The following GPRC5D variants were observed in gnomAD, a reference collection of about 807,000 sequenced individuals.
GPRC5D encodes the protein G protein-coupled receptor class C group 5 member D.
A neutral mutation model predicts 29.3 loss-of-function variants in GPRC5D; 20 were observed. The observed-to-expected ratio is 0.68, with a 90% CI of 0.48 to 0.99. The LOEUF is 0.99. Among genes scored for constraint, GPRC5D ranks in the 50% least tolerant of loss-of-function variants. The pLI is 0.00. For missense variants in GPRC5D, 384 were observed against 423.6 expected (o/e 0.91, Z 0.82); for synonymous variants, 178 against 171.3 (o/e 1.04, Z -0.30).
rs1279575546 is a variant in GPRC5D at position 12,942,341 on chromosome 12, G to A, written c.896-13C>T. The A allele has an allele frequency of 1.3e-6, 2 of 1,595,666 alleles. No homozygotes were observed. The highest frequency in any genetic ancestry group is 1.7e-6 in the Non-Finnish European group (2 of 1,163,188). ...TCACTGTCTCGGGCTGAAAGCCAAA[G>A]GAGGGAAGGGCTGGGTTAGTGTCCG... On this transcript the variant is annotated splice_polypyrimidine_tract_variant and intron_variant, in intron 1 of 2. Coordinates refer to ENST00000228887, the Ensembl canonical transcript of GPRC5D.
At chr12:12,943,006 G>T (rs1041823852) in intron 1 of GPRC5D, among the ~76,000 whole-genome samples, 1 of 151,996 alleles carries the variant, frequency 6.6e-6, no homozygotes, top group African/African-American at 2.4e-5. Flanking sequence ...TAAAAATTTT[G>T]CCCAGGTTGA....
rs541350048 is a variant in GPRC5D at position 12,943,457 on chromosome 12, T to A, written c.896-1129A>T. On this transcript the variant is annotated intron_variant, in intron 1 of 2. Transcript: ENST00000228887. ...CCTGATGGAAATAAAAGAGGAATAA[T>A]GACAGTCATAACAGTAAGTCTATCT... 4.6e-5 allele frequency among the ~76,000 whole-genome samples: 7 copies of A among 152,298 alleles called. No homozygotes were observed. The East Asian group carries it at 1.3e-3, about 29-fold the overall frequency.
At chr12:12,943,663 A>G (rs139922563) in intron 1 of GPRC5D, among the ~76,000 whole-genome samples, 252 of 150,724 alleles carry the variant, frequency 1.7e-3, no homozygotes, top group Middle Eastern at 6.8e-3. Flanking sequence ...ATGCTGTGAT[A>G]CATGAAATGC....
At chr12:12,950,060 C>T (rs765191889) in exon 1 of GPRC5D, 7 of 1,613,952 alleles carry the variant, frequency 4.3e-6, no homozygotes, top group Admixed American at 3.3e-5. Context: ...GAGGCATGAG[C>T]TAAGAGGCAT....
At position 12,944,794 on chromosome 12, in the gene GPRC5D, TTCCTTCCC is replaced by T. The variant is rs1353694315; in HGVS notation, c.896-2474_896-2467del. On this transcript the variant is annotated intron_variant, in intron 1 of 2. Coordinates refer to ENST00000228887, the Ensembl canonical transcript of GPRC5D. ...CTTTCTTCCTTCCTTCCTTCCTTCCTTCCTTCCCTTCCTTCCTTCCTTCCTTCCTTCCT... is the reference window on the plus strand; with the variant it reads ...CTTTCTTCCTTCCTTCCTTCCTTCCTTTCCTTCCTTCCTTCCTTCCTTCCT... Among the ~76,000 whole-genome samples, 55 of 26,938 alleles carry T rather than the reference TTCCTTCCC, an allele frequency of 2.0e-3. 2 individuals are homozygous for T. Among genetic ancestry groups the T allele is most frequent in the Non-Finnish European group, 3.5e-3 (20 of 5,704 alleles). 17.7% of individuals were successfully genotyped at this position (26,938 alleles called of 152,430 possible).
exon 1 of GPRC5D, chr12:12,950,189 A>G (rs1565480916): frequency 1.1e-5 from 18 of 1,613,882 alleles, no homozygotes; most frequent in Non-Finnish European, 1.4e-5. Flanking sequence ...CTCAGGAGGA[A>G]GAGGAGCTGG....
chr12:12,946,220 C>T (rs1863309972), intron 1 of GPRC5D, among the ~76,000 whole-genome samples: 1 of 152,112 alleles, frequency 6.6e-6, no homozygotes, highest in South Asian at 2.1e-4. Context: ...GGACAACCGC[C>T]TCTTGGGGAG....
At chr12:12,944,947 CCTTTTCTTTCCTTTT>C (rs935827566) in intron 1 of GPRC5D, among the ~76,000 whole-genome samples, 3 of 7,900 alleles carry the variant, frequency 3.8e-4, no homozygotes, top group South Asian at 0.015. Flanking sequence ...CCCTTTCTTT[CCTTTTCTTTCCTTTT>C]CTTTCCTTTT....
In GPRC5D at chr12:12,940,868, C is replaced by T. The variant is rs1191269845; in HGVS notation, c.964-19G>A. On this transcript the variant is annotated intron_variant, in intron 2 of 2. Transcript: ENST00000228887. ...CAACAGTCTGGAAAGGAAGAAATGC[C>T]ATCATCAACTTTCTGAGCAACAAAA... The T allele has an allele frequency of 2.0e-6, 3 of 1,494,626 alleles. No individual in the cohort carries two copies. Among genetic ancestry groups the T allele is most frequent in the Non-Finnish European group, 2.8e-6 (3 of 1,071,068 alleles). 92.6% of individuals were successfully genotyped at this position (1,494,626 alleles called of 1,614,324 possible).
chr12:12,946,599 C>A (rs1267509883), intron 1 of GPRC5D, among the ~76,000 whole-genome samples: 1 of 151,688 alleles, frequency 6.6e-6, no homozygotes, highest in Non-Finnish European at 1.5e-5. Context: ...GGATTACAGG[C>A]ATGCGTCACC....
At chr12:12,951,856 T>G (rs905343245), upstream of GPRC5D, among the ~76,000 whole-genome samples, 3 of 152,192 alleles carry the variant, frequency 2.0e-5, no homozygotes, top group African/African-American at 7.2e-5. Context: ...GTTAAACACC[T>G]ATTGTGTGTT....
At chr12:12,951,742 G>C (rs1863501739), upstream of GPRC5D, among the ~76,000 whole-genome samples, 1 of 152,144 alleles carries the variant, frequency 6.6e-6, no homozygotes, top group Non-Finnish European at 1.5e-5. Context: ...TGCACTGCTT[G>C]AAGGAGACAG....
At chr12:12,942,164 C>T (rs1016776375) in intron 2 of GPRC5D, 97 bp downstream of exon 3, 9 of 819,860 alleles carry the variant, frequency 1.1e-5, no homozygotes, top group African/African-American at 1.7e-5. Context: ...TCTCCTCTCT[C>T]AGGTCAGTAA....
At chr12:12,947,701 G>T (rs888535884) in intron 1 of GPRC5D, among the ~76,000 whole-genome samples, 1 of 152,004 alleles carries the variant, frequency 6.6e-6, no homozygotes, top group South Asian at 2.1e-4. Flanking sequence ...AGTAGCTGGG[G>T]CCACAGGCCT....
At chr12:12,948,287 T>G (rs1173037830) in intron 1 of GPRC5D, 1 of 152,414 alleles carries the variant, frequency 6.6e-6, no homozygotes, top group Non-Finnish European at 1.5e-5. Context: ...CAAAACTCAG[T>G]GATGTGATTA....
intron 1 of GPRC5D, chr12:12,947,282 T>G (rs1863372537): frequency 6.6e-6 from 1 of 152,186 alleles, no homozygotes; most frequent in African/African-American, 2.4e-5. Flanking sequence ...ACCATAACAC[T>G]TAGGACGTTT....
At chr12:12,950,318 C>G (rs766788143) in exon 1 of GPRC5D, 2 of 1,612,406 alleles carry the variant, frequency 1.2e-6, no homozygotes. Flanking sequence ...AGAATGATGC[C>G]CCATGGCCCC....
At chr12:12,944,939 CTTTCTTTCCT>C (rs149666065) in intron 1 of GPRC5D, among the ~76,000 whole-genome samples, 99,269 of 124,060 alleles carry the variant, frequency 0.8, 41,169 homozygotes, top group Non-Finnish European at 0.9. Context: ...CTTTTCTTCC[CTTTCTTTCCT>C]TTTCTTTCCT....
At chr12:12,942,528 A>G (rs993882396) in intron 1 of GPRC5D, among the ~76,000 whole-genome samples, 200 bp from the exon 3 acceptor site, 2 of 152,196 alleles carry the variant, frequency 1.3e-5, no homozygotes, top group African/African-American at 4.8e-5. Context: ...TGAGGTCAGG[A>G]GTTCGAGACT....
Sources: allele counts gnomAD v4.1 joint callset (sites outside exome capture counted in the v4.1 genomes callset), GRCh38; gene constraint gnomAD v4.1.1; transcripts MANE v1.5; gene names NCBI Gene and HGNC (gene_info 2026-07-23, HGNC 2026-07-21).